SPOCK1: variants seen among roughly 807,000 people sequenced by gnomAD.
SPOCK1 encodes testican-1.
SPOCK1 carries 23 observed loss-of-function variants against 55.3 expected under a neutral mutation model. The ratio of observed to expected loss-of-function variants is 0.42; its 90% CI spans 0.30 to 0.59. The LOEUF is 0.59. Among genes scored for constraint, SPOCK1 ranks in the 20% least tolerant of loss-of-function variants. SPOCK1 has a pLI of 0.22. For synonymous variants in SPOCK1, 226 were observed against 221.0 expected, an observed-to-expected ratio of 1.02 and a Z score of -0.20; for missense variants, 499 against 552.5, an observed-to-expected ratio of 0.90 and a Z score of 0.97.
chr5:137,286,275 A>C (rs1757264079), intron 2 of SPOCK1, among the ~76,000 whole-genome samples: 1 of 152,144 alleles, frequency 6.6e-6, no homozygotes. Flanking sequence ...AAACATTCTA[A>C]ATTTGGCAAC....
intron 2 of SPOCK1, among the ~76,000 whole-genome samples, chr5:137,446,631 T>C (rs1001769456): frequency 6.6e-6 from 1 of 152,194 alleles, no homozygotes. Context: ...GCTTAGAAAC[T>C]AGAAACGCGA....
chr5:137,347,406 A>T (rs1025922343), intron 2 of SPOCK1, among the ~76,000 whole-genome samples: 2 of 152,254 alleles, frequency 1.3e-5, no homozygotes, highest in Admixed American at 1.3e-4. Flanking sequence ...CACCTGGTTC[A>T]TGCTTCTTTG....
chr5:137,473,303 T>C (rs1753774284), intron 2 of SPOCK1, among the ~76,000 whole-genome samples: 1 of 152,202 alleles, frequency 6.6e-6, no homozygotes, highest in Non-Finnish European at 1.5e-5. Flanking sequence ...AAGATCTTGA[T>C]AAATTGCTAT....
intron 3 of SPOCK1, among the ~76,000 whole-genome samples, chr5:137,173,120 G>T (rs1754784064): frequency 6.6e-6 from 1 of 152,100 alleles, no homozygotes; most frequent in Non-Finnish European, 1.5e-5. Context: ...ATAAGTGAAG[G>T]TACCAGATAT....
At chr5:137,360,443 C>A (rs546583097) in intron 2 of SPOCK1, among the ~76,000 whole-genome samples, 2 of 152,310 alleles carry the variant, frequency 1.3e-5, no homozygotes, top group East Asian at 3.9e-4. Flanking sequence ...GCTGCTGAAC[C>A]TTCAAAAGGC....
chr5:137,155,886 C>A (rs1015874487), intron 3 of SPOCK1, among the ~76,000 whole-genome samples: 1 of 152,226 alleles, frequency 6.6e-6, no homozygotes, highest in East Asian at 1.9e-4. Context: ...ACCCACTGGG[C>A]GGCCTTGCTC....
chr5:137,336,804 G>A (rs1750290766), intron 2 of SPOCK1, among the ~76,000 whole-genome samples: 1 of 152,206 alleles, frequency 6.6e-6, no homozygotes, highest in Non-Finnish European at 1.5e-5. Flanking sequence ...TGGGCTCTCT[G>A]CCTGGAGGCA....
intron 2 of SPOCK1, among the ~76,000 whole-genome samples, chr5:137,383,497 C>T (rs776299816): frequency 7.9e-5 from 12 of 152,174 alleles, no homozygotes; most frequent in Non-Finnish European, 1.8e-4. Context: ...GATCCTTACC[C>T]CCAAGAATGC....
Position 137,060,951 on chromosome 5 carries a change from G to T in SPOCK1, c.589+6764C>A, listed in dbSNP as rs141402827. Reference sequence around the variant, plus strand: ...GACAAATGAATTTTTCTTCTTTGATGCAGTTGCCAATTTAATTCTCAAGCA... The same window carrying T: ...GACAAATGAATTTTTCTTCTTTGATTCAGTTGCCAATTTAATTCTCAAGCA... On this transcript the variant is annotated intron_variant, in intron 6 of 10. Transcript: ENST00000394945. 1.3e-3 allele frequency among the ~76,000 whole-genome samples: 197 copies of T among 152,280 alleles called. 3 individuals carry two copies. Among genetic ancestry groups the T allele is most frequent in the African/African-American group, 4.5e-3 (189 of 41,560 alleles).
intron 5 of SPOCK1, among the ~76,000 whole-genome samples, chr5:137,083,909 G>A (rs896111901): frequency 6.6e-6 from 1 of 151,896 alleles, no homozygotes; most frequent in African/African-American, 2.4e-5. Context: ...TCACCGAGAG[G>A]AAAGAATCTG....
At chr5:137,192,581 C>T (rs1196602064) in intron 3 of SPOCK1, among the ~76,000 whole-genome samples, 3 of 152,230 alleles carry the variant, frequency 2.0e-5, no homozygotes, top group Admixed American at 1.3e-4. Context: ...CAAGGCCACA[C>T]TTCCTGCACA....
intron 2 of SPOCK1, among the ~76,000 whole-genome samples, chr5:137,369,113 A>G (rs1751141867): frequency 6.6e-6 from 1 of 152,226 alleles, no homozygotes; most frequent in Non-Finnish European, 1.5e-5. Flanking sequence ...AGTTGGACCC[A>G]TGTGGGAAAG....
chr5:137,364,370 C>T (rs997359717), intron 2 of SPOCK1, among the ~76,000 whole-genome samples: 2 of 152,132 alleles, frequency 1.3e-5, no homozygotes, highest in African/African-American at 4.8e-5. Context: ...ACTCAAATTA[C>T]GAGTGATTTA....
At chr5:137,176,693 T>C (rs1291808458) in intron 3 of SPOCK1, among the ~76,000 whole-genome samples, 1 of 152,138 alleles carries the variant, frequency 6.6e-6, no homozygotes, top group Admixed American at 6.5e-5. Context: ...GATGTTCTCA[T>C]CAATACAAAT....
chr5:137,110,863 G>A (rs1580755676), intron 5 of SPOCK1, among the ~76,000 whole-genome samples: 3 of 152,090 alleles, frequency 2.0e-5, no homozygotes, highest in African/African-American at 7.2e-5. Context: ...AATGAACCAA[G>A]GAACCAATCA....
chr5:137,394,606 A>C (rs1316114720), intron 2 of SPOCK1, among the ~76,000 whole-genome samples: 3 of 152,162 alleles, frequency 2.0e-5, no homozygotes, highest in African/African-American at 7.2e-5. Context: ...CTGGGTATGA[A>C]TCTCATTCAT....
chr5:137,018,044 C>T (rs2126978415), intron 6 of SPOCK1, among the ~76,000 whole-genome samples: 1 of 152,336 alleles, frequency 6.6e-6, no homozygotes, highest in South Asian at 2.1e-4. Flanking sequence ...TGGTTCTCAA[C>T]CAGGGCTAGT....
intron 2 of SPOCK1, among the ~76,000 whole-genome samples, chr5:137,345,046 A>G (rs116814539): frequency 9.2e-5 from 14 of 152,236 alleles, no homozygotes; most frequent in Non-Finnish European, 1.9e-4. Context: ...AGAAACATGG[A>G]CTAAATATAG....
intron 5 of SPOCK1, among the ~76,000 whole-genome samples, chr5:137,090,216 A>G (rs1007348392): frequency 1.5e-4 from 23 of 152,252 alleles, no homozygotes; most frequent in Non-Finnish European, 3.1e-4. Context: ...TCAGGAACAA[A>G]CAAGTAATTT....
Sources: allele counts gnomAD v4.1 joint callset (sites outside exome capture counted in the v4.1 genomes callset), GRCh38; gene constraint gnomAD v4.1.1; transcripts MANE v1.5; gene names NCBI Gene and HGNC (gene_info 2026-07-23, HGNC 2026-07-21).